The following UBE2R2 variants were observed in gnomAD, a reference collection of about 807,000 sequenced individuals.
UBE2R2 encodes the protein ubiquitin conjugating enzyme E2 R2.
Under a neutral mutation model 27.8 loss-of-function variants are expected in UBE2R2, and 1 was observed. That is an observed-to-expected ratio of 0.04 (90% confidence interval 0.01 to 0.17). The LOEUF is 0.17. Among genes scored for constraint, UBE2R2 ranks in the 10% least tolerant of loss-of-function variants. The pLI, the probability that UBE2R2 is intolerant of heterozygous loss-of-function variation, is 1.00. For missense variants in UBE2R2, 100 were observed against 291.0 expected (o/e 0.34, Z 4.78); for synonymous variants, 106 against 113.3 (o/e 0.94, Z 0.41).
chr9:33,891,966 G>A (rs1407503890), intron 2 of UBE2R2, among the ~76,000 whole-genome samples: 3 of 152,216 alleles, frequency 2.0e-5, no homozygotes, highest in South Asian at 2.1e-4. Flanking sequence ...CTAGAAGGTC[G>A]AGGCTGCAGT....
In UBE2R2 at chr9:33,919,854, T is replaced by G. The variant is rs1335134556; in HGVS notation, c.*2617T>G. The G allele has an allele frequency of 6.6e-6, 1 of 152,204 alleles. No individual in the cohort carries two copies. The highest frequency in any genetic ancestry group is 1.5e-5 in the Non-Finnish European group (1 of 68,040). 9.4% of individuals were successfully genotyped at this position (152,204 alleles called of 1,614,324 possible). A position where few individuals can be genotyped will look rare whatever the true frequency, so the allele number is the denominator to read the frequency against. Reference sequence around the variant, plus strand: ...TTTTTAGATTCCTTTTAGTTCTAATTGAGGCCTCACTAGATGCTCTTCAGT... The same window carrying G: ...TTTTTAGATTCCTTTTAGTTCTAATGGAGGCCTCACTAGATGCTCTTCAGT... On this transcript the variant is annotated 3_prime_UTR_variant, in exon 5 of 5. Transcript: ENST00000263228.
intron 1 of UBE2R2, among the ~76,000 whole-genome samples, chr9:33,837,545 C>T (rs1374812621): frequency 6.6e-6 from 1 of 151,906 alleles, no homozygotes; most frequent in Non-Finnish European, 1.5e-5. Context: ...CCCACCTCAG[C>T]CTCCTAAGTA....
At chr9:33,903,572 C>T (rs558908506) in intron 3 of UBE2R2, among the ~76,000 whole-genome samples, 10 of 152,164 alleles carry the variant, frequency 6.6e-5, no homozygotes, top group Admixed American at 2.0e-4. Flanking sequence ...TGCATTTACA[C>T]GCAAATGATG....
intron 1 of UBE2R2, among the ~76,000 whole-genome samples, chr9:33,882,774 G>A (rs1821757198): frequency 6.6e-6 from 1 of 152,126 alleles, no homozygotes. Flanking sequence ...ATCAATTTTA[G>A]AATACATTTT....
chr9:33,871,406 C>G (rs1437854942), intron 1 of UBE2R2, among the ~76,000 whole-genome samples: 1 of 152,144 alleles, frequency 6.6e-6, no homozygotes, highest in Non-Finnish European at 1.5e-5. Context: ...TGAGGGTACA[C>G]TTAGTCCATT....
chr9:33,859,760 T>TTTTGTGTGTGTGTG (rs1821181690), intron 1 of UBE2R2, among the ~76,000 whole-genome samples: 1 of 130,614 alleles, frequency 7.7e-6, no homozygotes, highest in Non-Finnish European at 1.6e-5. Flanking sequence ...TCTAAGCCTT[T>TTTTGTGTGTGTGTG]TGTGTGTGTG....
chr9:33,900,670 T>C (rs1036377655), intron 3 of UBE2R2, among the ~76,000 whole-genome samples: 10 of 152,134 alleles, frequency 6.6e-5, no homozygotes, highest in East Asian at 1.9e-4. Context: ...TACCTGTCGT[T>C]GTTTTGCTCC....
At chr9:33,880,337 A>G (rs1381863475) in intron 1 of UBE2R2, among the ~76,000 whole-genome samples, 2 of 151,960 alleles carry the variant, frequency 1.3e-5, no homozygotes, top group African/African-American at 4.8e-5. Context: ...TTTCATGTTC[A>G]ATTAAACAAT....
At chr9:33,861,692 G>T (rs547998549) in intron 1 of UBE2R2, among the ~76,000 whole-genome samples, 2 of 152,028 alleles carry the variant, frequency 1.3e-5, no homozygotes, top group African/African-American at 2.4e-5. Context: ...GGTTTATTTT[G>T]TGTACTTTTT....
intron 1 of UBE2R2, among the ~76,000 whole-genome samples, chr9:33,881,214 TTCTC>T (rs1413016260): frequency 1.3e-5 from 2 of 152,222 alleles, no homozygotes; most frequent in Non-Finnish European, 2.9e-5. Flanking sequence ...AAAGTATACT[TTCTC>T]TGTTATTCAG....
chr9:33,826,145 CAAA>C (rs36036831), intron 1 of UBE2R2, among the ~76,000 whole-genome samples: 4 of 102,578 alleles, frequency 3.9e-5, no homozygotes, highest in African/African-American at 1.1e-4. Context: ...GACTCTGTCT[CAAA>C]AAAAAAAAAA....
chr9:33,884,861 C>T (rs938265511), intron 1 of UBE2R2, among the ~76,000 whole-genome samples: 1 of 152,078 alleles, frequency 6.6e-6, no homozygotes, highest in Non-Finnish European at 1.5e-5. Context: ...ACAGTGGCAC[C>T]TGCAGGAATC....
intron 1 of UBE2R2, among the ~76,000 whole-genome samples, chr9:33,870,441 CT>C (rs941826149): frequency 1.3e-5 from 2 of 152,126 alleles, no homozygotes; most frequent in Non-Finnish European, 2.9e-5. Flanking sequence ...CCATGCCCGG[CT>C]TTTATTTTTA....
chr9:33,816,059 G>T (rs546778546), upstream of UBE2R2, among the ~76,000 whole-genome samples: 2 of 152,258 alleles, frequency 1.3e-5, no homozygotes, highest in Non-Finnish European at 2.9e-5. Context: ...GGGTGACAGA[G>T]CAAGACCCTG....
intron 1 of UBE2R2, among the ~76,000 whole-genome samples, chr9:33,881,151 A>AT (rs939094733): frequency 1.3e-5 from 2 of 152,174 alleles, no homozygotes; most frequent in African/African-American, 4.8e-5. Context: ...TTCTTTGTGA[A>AT]TTGATCCCCT....
At chr9:33,895,828 A>G (rs1164280758) in intron 2 of UBE2R2, among the ~76,000 whole-genome samples, 3 of 126,628 alleles carry the variant, frequency 2.4e-5, no homozygotes, top group African/African-American at 3.1e-5. Flanking sequence ...GCTGGAGTGC[A>G]GTGGCTCGTA....
intron 1 of UBE2R2, among the ~76,000 whole-genome samples, chr9:33,848,398 A>C (rs1049735925): frequency 2.6e-5 from 4 of 152,238 alleles, no homozygotes; most frequent in Admixed American, 1.3e-4. Flanking sequence ...ATACAAAATA[A>C]TCCTGGAGAC....
rs556082951 is a variant in UBE2R2, at chr9:33,860,936, GT to G, written c.178-25936del. Among the ~76,000 whole-genome samples, 3 of 109,776 alleles carry G rather than the reference GT, an allele frequency of 2.7e-5. No homozygotes were observed. The Admixed American group carries it at 3.3e-4, about 12-fold the overall frequency. 72.0% of individuals were successfully genotyped at this position (109,776 alleles called of 152,430 possible). A position where few individuals can be genotyped will look rare whatever the true frequency, so the allele number is the denominator to read the frequency against. ...CCCACAATCGTTAACCCTGTGTTAA[GT>G]TTTTTTTTGTTTGTTTGTTTGTTTT... On this transcript the variant is annotated intron_variant, in intron 1 of 4. Transcript: ENST00000263228.
intron 1 of UBE2R2, among the ~76,000 whole-genome samples, chr9:33,876,630 A>G (rs936823599): frequency 2.6e-5 from 4 of 152,030 alleles, no homozygotes; most frequent in African/African-American, 9.7e-5. Context: ...AAAATCAATC[A>G]TAAGGCCGGG....
Sources: gnomAD v4.1 joint callset for allele counts (sites outside exome capture counted in the v4.1 genomes callset) on GRCh38, gnomAD v4.1.1 for gene constraint, MANE v1.5 for transcripts, NCBI Gene and HGNC (gene_info 2026-07-23, HGNC 2026-07-21) for gene names.